Variants in TYW1B observed in about 807,000 individuals in gnomAD.
TYW1B encodes the protein tRNA-yW synthesizing protein 1 homolog B.
In TYW1B, 73 loss-of-function variants were observed where a neutral mutation model predicts 86.9. The ratio of observed to expected loss-of-function variants is 0.84; its 90% confidence interval spans 0.70 to 1.02. TYW1B has a LOEUF of 1.02. TYW1B is among the 50% of genes least tolerant of loss of function. The pLI, the probability that TYW1B is intolerant of heterozygous loss-of-function variation, is 0.00. For missense variants in TYW1B, 637 were observed against 827.4 expected, an observed-to-expected ratio of 0.77 and a Z score of 2.82; for synonymous variants, 248 against 292.8, an observed-to-expected ratio of 0.85 and a Z score of 1.56.
intron 2 of TYW1B, among the ~76,000 whole-genome samples, chr7:72,818,216 C>T (rs192719528): frequency 2.8e-3 from 433 of 152,078 alleles, no homozygotes; most frequent in Non-Finnish European, 4.3e-3. Flanking sequence ...CTTGTACAGT[C>T]TGCAGAACCA....
In TYW1B at chr7:72,693,741, T is replaced by A. The variant is rs1444947257; in HGVS notation, c.1506+946A>T. ...GGTTACGTACAGTCGGTCCTTCATA[T>A]CTGTGGGCTCCATTTCCACACATTC... is the stretch of plus-strand genomic sequence containing the variant. On this transcript the variant is annotated intron_variant, in intron 11 of 13. Coordinates refer to ENST00000620995, the MANE Select transcript of TYW1B (RefSeq NM_001145440.3). Among the ~76,000 whole-genome samples, 6 of 152,134 alleles carry A rather than the reference T, an allele frequency of 3.9e-5. No homozygotes were observed. The East Asian group carries it at 1.2e-3, about 29-fold the overall frequency.
intron 2 of TYW1B, among the ~76,000 whole-genome samples, chr7:72,818,288 T>A (rs73131512): frequency 0.98 from 149,108 of 151,942 alleles, 73,174 homozygotes; most frequent in East Asian, 1. Flanking sequence ...GCATTGCTAT[T>A]AAAAAATACC....
At chr7:72,728,959 G>A (rs1554459298) in intron 8 of TYW1B, 28 bp from the exon 9 acceptor site, 3 of 1,600,898 alleles carry the variant, frequency 1.9e-6, no homozygotes, top group Non-Finnish European at 2.6e-6. Context: ...AGTTCTAAAA[G>A]ACCCTTCTGT....
intron 11 of TYW1B, among the ~76,000 whole-genome samples, chr7:72,645,250 GA>G (rs144826093): frequency 0.013 from 1,936 of 152,318 alleles, 43 homozygotes; most frequent in African/African-American, 0.042. Flanking sequence ...ATATAGAGCA[GA>G]AAGGGACATT....
chr7:72,682,932 G>A (rs1813912028), intron 11 of TYW1B, among the ~76,000 whole-genome samples: 2 of 152,170 alleles, frequency 1.3e-5, no homozygotes, highest in Non-Finnish European at 1.5e-5. Context: ...TTTACCTACT[G>A]GAGCTCTGCC....
At chr7:72,703,882 A>G (rs1554453191) in intron 10 of TYW1B, among the ~76,000 whole-genome samples, 1 of 151,828 alleles carries the variant, frequency 6.6e-6, no homozygotes, top group African/African-American at 2.4e-5. Flanking sequence ...AGAAAAAGAA[A>G]AAAGAAAAAA....
At chr7:72,803,376 G>C (rs556072207) in intron 5 of TYW1B, among the ~76,000 whole-genome samples, 3 of 152,066 alleles carry the variant, frequency 2.0e-5, no homozygotes, top group Non-Finnish European at 4.4e-5. Context: ...AGCAGAAGTA[G>C]AGGAAATGTG....
At chr7:72,639,859 C>T (rs1351123718) in intron 11 of TYW1B, among the ~76,000 whole-genome samples, 1 of 125,568 alleles carries the variant, frequency 8.0e-6, no homozygotes, top group Non-Finnish European at 1.6e-5. Context: ...GAGTGAGACT[C>T]CATCTCAAAA....
At chr7:72,814,366 C>T (rs1456196004) in intron 3 of TYW1B, among the ~76,000 whole-genome samples, 2 of 151,956 alleles carry the variant, frequency 1.3e-5, no homozygotes, top group Non-Finnish European at 1.5e-5. Flanking sequence ...GGGCGGATCA[C>T]GAGGTCAGGA....
intron 13 of TYW1B, among the ~76,000 whole-genome samples, chr7:72,605,653 C>T (rs1424893543): frequency 1.3e-5 from 2 of 151,954 alleles, no homozygotes; most frequent in Admixed American, 6.6e-5. Context: ...TGCCTGGCCA[C>T]ATCTCTGCTT....
Position 72,574,870 on chromosome 7 carries a change from C to T in TYW1B, c.*628G>A. 1.0e-6 allele frequency: 1 copy of T among 985,542 alleles called. No homozygotes were observed. The highest frequency in any genetic ancestry group is 1.2e-6 in the Non-Finnish European group (1 of 830,176). The allele number at this position is 985,542 out of a possible 1,614,324, so 61.0% of individuals were successfully genotyped here. A position where few individuals can be genotyped will look rare whatever the true frequency, so the allele number is the denominator to read the frequency against. Reference sequence around the variant, plus strand: ...CGGTACTGCGGTCTGTGGTAATTTACATGGGAATGGGATGAGATCTAGTAG... The same window carrying T: ...CGGTACTGCGGTCTGTGGTAATTTATATGGGAATGGGATGAGATCTAGTAG... On this transcript the variant is annotated 3_prime_UTR_variant, in exon 14 of 14. Coordinates refer to ENST00000620995, the MANE Select transcript of TYW1B (RefSeq NM_001145440.3).
intron 11 of TYW1B, among the ~76,000 whole-genome samples, chr7:72,680,463 G>C (rs1471540347): frequency 1.3e-5 from 2 of 152,158 alleles, no homozygotes; most frequent in African/African-American, 4.8e-5. Context: ...TTGGACTCTT[G>C]GACTTACACC....
chr7:72,826,537 G>A (rs1788931959), intron 2 of TYW1B, among the ~76,000 whole-genome samples: 2 of 152,158 alleles, frequency 1.3e-5, no homozygotes, highest in Non-Finnish European at 2.9e-5. Context: ...CTTATTTTCT[G>A]ATCCTTAATT....
intron 11 of TYW1B, among the ~76,000 whole-genome samples, chr7:72,645,047 T>G (rs1812894451): frequency 6.6e-6 from 1 of 152,134 alleles, no homozygotes; most frequent in Non-Finnish European, 1.5e-5. Flanking sequence ...CAGGATGGTC[T>G]TGATCTCCTG....
At chr7:72,674,102 A>G (rs782311401) in intron 11 of TYW1B, among the ~76,000 whole-genome samples, 5 of 152,068 alleles carry the variant, frequency 3.3e-5, no homozygotes, top group Non-Finnish European at 5.9e-5. Context: ...GGGATGGTAC[A>G]ACCCCACTCC....
At chr7:72,632,367 GCATATATAT>G (rs1812531911) in intron 11 of TYW1B, among the ~76,000 whole-genome samples, 6 of 60,470 alleles carry the variant, frequency 9.9e-5, no homozygotes, top group Non-Finnish European at 1.1e-4. Flanking sequence ...ATATATATAC[GCATATATAT>G]TATATATATA....
At chr7:72,651,713 C>G (rs568407421) in intron 11 of TYW1B, among the ~76,000 whole-genome samples, 2 of 152,052 alleles carry the variant, frequency 1.3e-5, no homozygotes, top group African/African-American at 4.8e-5. Flanking sequence ...TAATAAAACA[C>G]GTTTGCAAGT....
chr7:72,663,918 C>G (rs1272676441), intron 11 of TYW1B, among the ~76,000 whole-genome samples: 2 of 151,900 alleles, frequency 1.3e-5, no homozygotes, highest in South Asian at 2.1e-4. Context: ...CACAATAACT[C>G]AAGAATCCTG....
At chr7:72,730,848 A>C (rs1191772760) in intron 8 of TYW1B, among the ~76,000 whole-genome samples, 2 of 151,824 alleles carry the variant, frequency 1.3e-5, no homozygotes, top group Non-Finnish European at 2.9e-5. Context: ...AATGAAATAA[A>C]AGCTGAAAAC....
Sources: gnomAD v4.1 joint callset for allele counts (sites outside exome capture counted in the v4.1 genomes callset) on GRCh38, gnomAD v4.1.1 for gene constraint, MANE v1.5 for transcripts, NCBI Gene and HGNC (gene_info 2026-07-23, HGNC 2026-07-21) for gene names.